MAGI2: variants seen among roughly 807,000 people sequenced by gnomAD.
MAGI2 encodes the protein membrane-associated guanylate kinase, WW and PDZ domain-containing protein 2.
MAGI2 carries 35 observed loss-of-function variants against 133.3 expected under a neutral mutation model. The ratio of observed to expected loss-of-function variants is 0.26; its 90% CI spans 0.20 to 0.35. The LOEUF (loss-of-function observed/expected upper bound fraction) is 0.35, where lower values mean the gene tolerates loss of function less well. Among genes scored for constraint, MAGI2 ranks in the 10% least tolerant of loss-of-function variants. MAGI2 has a pLI of 1.00. For missense variants in MAGI2, 1,636 were observed against 1,863.4 expected (o/e 0.88, Z 2.25); for synonymous variants, 729 against 710.6 (o/e 1.03, Z -0.41).
At chr7:78,439,356 G>A (rs1787369069) in intron 6 of MAGI2, among the ~76,000 whole-genome samples, 1 of 147,166 alleles carries the variant, frequency 6.8e-6, no homozygotes, top group African/African-American at 2.4e-5. Flanking sequence ...ACAAAAGATG[G>A]TGCCCAGAGT....
At chr7:78,565,724 A>G (rs1486429958) in intron 3 of MAGI2, among the ~76,000 whole-genome samples, 1 of 152,182 alleles carries the variant, frequency 6.6e-6, no homozygotes, top group Non-Finnish European at 1.5e-5. Context: ...GGCACGACTA[A>G]TATACTTTAT....
chr7:78,817,970 G>C (rs1456659022), intron 2 of MAGI2, among the ~76,000 whole-genome samples: 1 of 152,068 alleles, frequency 6.6e-6, no homozygotes, highest in Non-Finnish European at 1.5e-5. Flanking sequence ...AAAATTGTGT[G>C]ACTCATTTTA....
intron 2 of MAGI2, among the ~76,000 whole-genome samples, chr7:78,902,179 A>C (rs934931556): frequency 1.3e-5 from 2 of 152,158 alleles, no homozygotes; most frequent in Non-Finnish European, 2.9e-5. Flanking sequence ...AAGCTATACT[A>C]CTTGCTCCAA....
At chr7:79,376,839 T>G (rs1266906230) in intron 1 of MAGI2, among the ~76,000 whole-genome samples, 7 of 144,544 alleles carry the variant, frequency 4.8e-5, no homozygotes, top group Middle Eastern at 3.4e-3. Context: ...TGTGTGTGTG[T>G]GGGTGTATGG....
chr7:78,999,804 G>T (rs566258728), intron 2 of MAGI2, among the ~76,000 whole-genome samples: 1 of 152,140 alleles, frequency 6.6e-6, no homozygotes, highest in Admixed American at 6.6e-5. Flanking sequence ...TTTCTTTTTG[G>T]TTAACACTGC....
chr7:79,222,727 A>C (rs1830530889), intron 1 of MAGI2, among the ~76,000 whole-genome samples: 1 of 152,058 alleles, frequency 6.6e-6, no homozygotes, highest in African/African-American at 2.4e-5. Flanking sequence ...ATGTACCTTT[A>C]CTAAAGATTT....
intron 2 of MAGI2, among the ~76,000 whole-genome samples, chr7:78,636,350 G>A (rs1809636063): frequency 8.3e-6 from 1 of 120,614 alleles, no homozygotes; most frequent in South Asian, 2.6e-4. Flanking sequence ...CCAAAAACAG[G>A]CTTTTTTTTT....
intron 2 of MAGI2, chr7:79,006,653 T>C (rs1445022870): frequency 6.5e-6 from 1 of 153,242 alleles, no homozygotes; most frequent in Non-Finnish European, 1.5e-5. Context: ...TTTTTACTTG[T>C]GAGACTCTCC....
At position 78,521,574 on chromosome 7, in the gene MAGI2, G is replaced by C. The variant is rs1796509152; in HGVS notation, c.610C>G (p.Leu204Val). ...TCAGCACTTGGAGTGGCTCCTGGAA[G>C]TATCTGGTCTGTTACATTTAACAAT... ...PLLLNVTDQI[L>V]PGATPSAEGK... is the part of the protein sequence containing the mutation. Residue 204 changes from leucine (L) to valine (V), a missense_variant, in exon 4 of 22, where the codon CTT becomes GTT. Physicochemically the swap from Leu to Val is conservative, Grantham distance 32. Transcript: ENST00000354212. The C allele has an allele frequency of 5.6e-6, 9 of 1,614,106 alleles. No individual in the cohort carries two copies. The highest frequency in any genetic ancestry group is 7.6e-6 in the Non-Finnish European group (9 of 1,180,014).
At chr7:78,645,607 ACT>A (rs1343484844) in intron 2 of MAGI2, among the ~76,000 whole-genome samples, 1 of 147,952 alleles carries the variant, frequency 6.8e-6, no homozygotes, top group Non-Finnish European at 1.5e-5. Flanking sequence ...CCTACTAAAA[ACT>A]CTTAGTTAAC....
intron 2 of MAGI2, among the ~76,000 whole-genome samples, chr7:78,647,566 C>A (rs1335731071): frequency 6.6e-6 from 1 of 152,148 alleles, no homozygotes; most frequent in African/African-American, 2.4e-5. Flanking sequence ...ATTAGTTCAA[C>A]CATCATGGAA....
At chr7:78,559,003 C>T (rs1041839394) in intron 3 of MAGI2, among the ~76,000 whole-genome samples, 1 of 151,426 alleles carries the variant, frequency 6.6e-6, no homozygotes, top group Non-Finnish European at 1.5e-5. Context: ...TTCATTTTTG[C>T]ATCTTAACAA....
intron 2 of MAGI2, among the ~76,000 whole-genome samples, chr7:78,805,606 T>C (rs1788509258): frequency 6.6e-6 from 1 of 152,208 alleles, no homozygotes; most frequent in African/African-American, 2.4e-5. Context: ...CGCCCTTGTA[T>C]AGTTCATTTG....
chr7:78,447,357 T>C (rs1260321330), intron 6 of MAGI2, among the ~76,000 whole-genome samples: 1 of 151,718 alleles, frequency 6.6e-6, no homozygotes, highest in Non-Finnish European at 1.5e-5. Flanking sequence ...AGGGATTACA[T>C]TTTTTGTGTT....
At chr7:79,224,695 C>A (rs544171314) in intron 1 of MAGI2, among the ~76,000 whole-genome samples, 6 of 150,956 alleles carry the variant, frequency 4.0e-5, no homozygotes, top group Admixed American at 3.3e-4. Context: ...ATGCTTTACG[C>A]TAAGTGAATG....
chr7:78,573,284 T>TTATATATATAAA lies in MAGI2; in HGVS notation c.539-51640_539-51639insTTTATATATATA, dbSNP rs1332121524. ...TATAAATATATATAAATATATATAT[T>TTATATATATAAA]TATATAAATATATATATTTATATAT... On this transcript the variant is annotated intron_variant, in intron 3 of 21. Transcript: ENST00000354212. 5.5e-3 allele frequency among the ~76,000 whole-genome samples: 147 copies of TTATATATATAAA among 26,854 alleles called. 1 individual carries two copies. Among genetic ancestry groups the TTATATATATAAA allele is most frequent in the African/African-American group, 0.031 (140 of 4,546 alleles). 17.6% of individuals were successfully genotyped at this position (26,854 alleles called of 152,430 possible).
At chr7:78,931,998 C>CAAAAAAAAAAA (rs72358342) in intron 2 of MAGI2, among the ~76,000 whole-genome samples, 1 of 79,086 alleles carries the variant, frequency 1.3e-5, no homozygotes, top group Non-Finnish European at 2.7e-5. Context: ...AAAAGGAAGG[C>CAAAAAAAAAAA]AAAAAAAAAA....
At chr7:78,478,581 A>T (rs544278997) in intron 6 of MAGI2, among the ~76,000 whole-genome samples, 2 of 151,854 alleles carry the variant, frequency 1.3e-5, no homozygotes, top group South Asian at 2.1e-4. Context: ...TACTGTTATC[A>T]GTTGGTACCA....
At chr7:78,816,200 A>C (rs146037442) in intron 2 of MAGI2, among the ~76,000 whole-genome samples, 1 of 151,812 alleles carries the variant, frequency 6.6e-6, no homozygotes, top group Non-Finnish European at 1.5e-5. Context: ...GCAAAACTCT[A>C]ACTCTCTTCA....
Sources: gnomAD v4.1 joint callset for allele counts (sites outside exome capture counted in the v4.1 genomes callset) on GRCh38, gnomAD v4.1.1 for gene constraint, MANE v1.5 for transcripts, NCBI Gene and HGNC (gene_info 2026-07-23, HGNC 2026-07-21) for gene names.